PTBP3: variants seen among roughly 807,000 people sequenced by gnomAD.
PTBP3 encodes polypyrimidine tract binding protein 3, also known as polypyrimidine tract-binding protein 3.
PTBP3 carries 20 observed loss-of-function variants against 58.7 expected under a neutral mutation model. The ratio of observed to expected loss-of-function variants is 0.34; its 90% CI spans 0.24 to 0.50. The LOEUF (loss-of-function observed/expected upper bound fraction) is 0.50. PTBP3 is among the 20% of genes least tolerant of loss of function. PTBP3 has a pLI of 0.98. For missense variants in PTBP3, 509 were observed against 637.2 expected (o/e 0.80, Z 2.17); for synonymous variants, 185 against 219.8 (o/e 0.84, Z 1.40).
chr9:112,241,274 T>C (rs563536320), intron 7 of PTBP3, among the ~76,000 whole-genome samples: 168 of 152,250 alleles, frequency 1.1e-3, no homozygotes, highest in African/African-American at 4.0e-3. Context: ...CAGCTAATTT[T>C]TGTATTTTTA....
intron 4 of PTBP3, among the ~76,000 whole-genome samples, chr9:112,266,155 G>A (rs1046536462): frequency 3.3e-5 from 5 of 152,130 alleles, no homozygotes; most frequent in African/African-American, 1.2e-4. Flanking sequence ...AGTTTGAGGT[G>A]ATGGGAAATG....
intron 10 of PTBP3, among the ~76,000 whole-genome samples, chr9:112,229,903 A>G (rs10733586): frequency 0.56 from 84,555 of 152,038 alleles, 25,233 homozygotes; most frequent in African/African-American, 0.79. Context: ...TTGGTATGAA[A>G]CATGCTTTGG....
Position 112,219,460 on chromosome 9 carries a change from T to G in PTBP3, c.*4391A>C, listed in dbSNP as rs1176995539. 1 of 152,440 alleles carries G rather than the reference T, an allele frequency of 6.6e-6. No individual in the cohort carries two copies. The highest frequency in any genetic ancestry group is 1.5e-5 in the Non-Finnish European group (1 of 68,042). The allele number at this position is 152,440 out of a possible 1,614,324, so 9.4% of individuals were successfully genotyped here. On this transcript the variant is annotated 3_prime_UTR_variant, in exon 14 of 14. Coordinates refer to ENST00000374257, the MANE Select transcript of PTBP3 (RefSeq NM_001163788.4). ...CATAGGCATCTTTCAATTATGACTA[T>G]GATCACCAAGGTCACTGGACCAGAC... is the stretch of plus-strand genomic sequence containing the variant.
chr9:112,331,080 C>T (rs1371658282), intron 1 of PTBP3, among the ~76,000 whole-genome samples: 1 of 123,978 alleles, frequency 8.1e-6, no homozygotes, highest in Non-Finnish European at 1.6e-5. Context: ...TAGGAGGAAA[C>T]GAACACACAC....
At chr9:112,275,424 T>C (rs2132200087) in intron 3 of PTBP3, among the ~76,000 whole-genome samples, 1 of 152,290 alleles carries the variant, frequency 6.6e-6, no homozygotes, top group East Asian at 1.9e-4. Flanking sequence ...CGTGAGCCAC[T>C]GCACCCGGCC....
intron 12 of PTBP3, among the ~76,000 whole-genome samples, chr9:112,225,496 G>A (rs983023551): frequency 1.3e-5 from 2 of 152,218 alleles, no homozygotes; most frequent in Middle Eastern, 3.4e-3. Context: ...GGTGACGGTC[G>A]CACAATAATG....
the PTBP3 span, among the ~76,000 whole-genome samples, chr9:112,365,309 T>A: frequency 6.6e-6 from 1 of 152,188 alleles, no homozygotes; most frequent in African/African-American, 2.4e-5. Flanking sequence ...TCCCATGTGT[T>A]GTGGGAGGGA....
At chr9:112,308,561 G>A (rs1829335799) in intron 1 of PTBP3, among the ~76,000 whole-genome samples, 1 of 151,870 alleles carries the variant, frequency 6.6e-6, no homozygotes, top group Non-Finnish European at 1.5e-5. Context: ...TACGGTTTAA[G>A]GGAAGAATGG....
upstream of PTBP3, among the ~76,000 whole-genome samples, chr9:112,338,240 G>A (rs111981693): frequency 0.014 from 2,085 of 152,292 alleles, 29 homozygotes; most frequent in Middle Eastern, 0.051. Flanking sequence ...TAATAAAACA[G>A]TTCTGTGTCT....
intron 2 of PTBP3, among the ~76,000 whole-genome samples, chr9:112,295,579 A>G (rs1174190106): frequency 6.8e-6 from 1 of 148,034 alleles, no homozygotes; most frequent in East Asian, 2.0e-4. Context: ...AATGTGTCAG[A>G]TAAAAATTGA....
At chr9:112,341,225 G>A in the PTBP3 span, among the ~76,000 whole-genome samples, 1 of 152,050 alleles carries the variant, frequency 6.6e-6, no homozygotes, top group Non-Finnish European at 1.5e-5. Context: ...TCCACCTCCT[G>A]GGTTCAAGTG....
intron 7 of PTBP3, among the ~76,000 whole-genome samples, chr9:112,241,491 A>T (rs971088246): frequency 6.6e-6 from 1 of 152,196 alleles, no homozygotes; most frequent in Non-Finnish European, 1.5e-5. Flanking sequence ...ATACAGGTGT[A>T]CCATTTTGAT....
intron 3 of PTBP3, chr9:112,272,665 G>A (rs1285051503): frequency 6.6e-6 from 1 of 152,094 alleles, no homozygotes; most frequent in Non-Finnish European, 1.5e-5. Context: ...GATCAGCACA[G>A]GAGTTCTGAC....
chr9:112,320,216 T>TGCAGTGAG lies in PTBP3; in HGVS notation c.-52+13246_-52+13253dup, dbSNP rs535286298. On this transcript the variant is annotated intron_variant, in intron 1 of 13. Transcript: ENST00000374257. ...TCACTTGAGCCCAGGAGTTCAAGGC[T>TGCAGTGAG]GCAGTGAGCTATGATTGCACCACTG... Among the ~76,000 whole-genome samples the TGCAGTGAG allele has an allele frequency of 8.1e-5, 12 of 148,278 alleles. No homozygotes were observed. The South Asian group carries it at 2.6e-3, about 32-fold the overall frequency.
At chr9:112,333,680 C>T (rs1793901460), upstream of PTBP3, 1 of 498,540 alleles carries the variant, frequency 2.0e-6, no homozygotes, top group Admixed American at 4.2e-5. Flanking sequence ...CTTCCCCACC[C>T]CGCGAGCGCG....
chr9:112,293,994 G>C (rs1404544409), intron 2 of PTBP3, among the ~76,000 whole-genome samples: 1 of 152,098 alleles, frequency 6.6e-6, no homozygotes, highest in African/African-American at 2.4e-5. Context: ...ACCTATAACT[G>C]AATATAGCAT....
chr9:112,252,445 T>A, intron 6 of PTBP3: 1 of 489,202 alleles, frequency 2.0e-6, no homozygotes, highest in Non-Finnish European at 3.6e-6. Context: ...AAACAGGACC[T>A]GCGTCTCAGA....
At chr9:112,283,617 A>G (rs753556848) in intron 2 of PTBP3, among the ~76,000 whole-genome samples, 3 of 152,206 alleles carry the variant, frequency 2.0e-5, no homozygotes, top group Non-Finnish European at 4.4e-5. Flanking sequence ...GAAAAGAAAA[A>G]TCCATTTTCT....
intron 2 of PTBP3, among the ~76,000 whole-genome samples, chr9:112,292,522 G>A (rs1461920787): frequency 6.6e-6 from 1 of 152,142 alleles, no homozygotes; most frequent in Non-Finnish European, 1.5e-5. Flanking sequence ...CTAAGAGGTG[G>A]AAGCAACCTA....
Sources: gnomAD v4.1 joint callset for allele counts (sites outside exome capture counted in the v4.1 genomes callset) on GRCh38, gnomAD v4.1.1 for gene constraint, MANE v1.5 for transcripts, NCBI Gene and HGNC (gene_info 2026-07-23, HGNC 2026-07-21) for gene names.